ZNF2: variants seen among roughly 807,000 people sequenced by gnomAD.
ZNF2 encodes zinc finger protein 2, also known as zinc finger protein 2.2.
ZNF2 carries 12 observed loss-of-function variants against 21.9 expected under a neutral mutation model. That is an observed-to-expected ratio of 0.55 (90% CI 0.35 to 0.89). The LOEUF is 0.89. Among genes scored for constraint, ZNF2 ranks in the 40% least tolerant of loss-of-function variants. The pLI, the probability that ZNF2 is intolerant of heterozygous loss-of-function variation, is 0.01. For missense variants in ZNF2, 462 were observed against 544.2 expected (o/e 0.85, Z 1.50); for synonymous variants, 186 against 196.3 (o/e 0.95, Z 0.44).
At chr2:95,174,738 G>A (rs561435765) in intron 1 of ZNF2, among the ~76,000 whole-genome samples, 1 of 152,298 alleles carries the variant, frequency 6.6e-6, no homozygotes, top group South Asian at 2.1e-4. Context: ...GCATCCTGGA[G>A]TGAAATATTA....
intron 3 of ZNF2, among the ~76,000 whole-genome samples, chr2:95,179,326 G>T (rs1322237955): frequency 6.6e-5 from 10 of 152,142 alleles, no homozygotes; most frequent in Admixed American, 6.5e-4. Context: ...GTATTTATGG[G>T]TGTCTTTGGA....
At chr2:95,176,323 T>G in intron 2 of ZNF2, 64 bp downstream of exon 2, 1 of 1,606,976 alleles carries the variant, frequency 6.2e-7, no homozygotes, top group Admixed American at 1.7e-5. Flanking sequence ...CACTTTTCTT[T>G]CTCTATCCTG....
At chr2:95,170,444 G>A (rs1573393477) in intron 1 of ZNF2, among the ~76,000 whole-genome samples, 1 of 152,170 alleles carries the variant, frequency 6.6e-6, no homozygotes, top group African/African-American at 2.4e-5. Context: ...CTTGGCCAGT[G>A]TGAACCCATT....
chr2:95,177,758 A>G lies in ZNF2; in HGVS notation c.160+149A>G, dbSNP rs1674498087. 3.8e-6 allele frequency: 4 copies of G among 1,059,498 alleles called. No homozygotes were observed. The South Asian group carries it at 7.5e-5, about 20-fold the overall frequency. 65.6% of individuals were successfully genotyped at this position (1,059,498 alleles called of 1,614,324 possible). On this transcript the variant is annotated intron_variant, in intron 3 of 4. Transcript: ENST00000614034. ...GTCGAAAGATGTGGCATCAGAGTACAGCAACGGCGGGCTCAATACTGAACC... is the reference window on the plus strand; with the variant it reads ...GTCGAAAGATGTGGCATCAGAGTACGGCAACGGCGGGCTCAATACTGAACC...
At chr2:95,169,421 C>CAAAGTTATTACTGCACTTACATTTA (rs1325501805) in intron 1 of ZNF2, among the ~76,000 whole-genome samples, 3 of 152,126 alleles carry the variant, frequency 2.0e-5, no homozygotes, top group Non-Finnish European at 4.4e-5. Flanking sequence ...ACTTTGACTC[C>CAAAGTTATTACTGCACTTACATTTA]AAAGTTATTA....
In ZNF2 at chr2:95,182,781, T is replaced by G. The variant is rs1225648431; in HGVS notation, c.*675T>G. On this transcript the variant is annotated 3_prime_UTR_variant, in exon 5 of 5. Coordinates refer to ENST00000614034, the MANE Select transcript of ZNF2 (RefSeq NM_021088.4). ...GCTGGTAAAAGGTGATGCCAGGTCTTGAAGACAGGTCCACCTTCAAAATCT... is the reference window on the plus strand; with the variant it reads ...GCTGGTAAAAGGTGATGCCAGGTCTGGAAGACAGGTCCACCTTCAAAATCT... 2 of 152,658 alleles carry G rather than the reference T, an allele frequency of 1.3e-5. No individual in the cohort carries two copies. Among genetic ancestry groups the G allele is most frequent in the Non-Finnish European group, 2.9e-5 (2 of 68,048 alleles). 9.5% of individuals were successfully genotyped at this position (152,658 alleles called of 1,614,324 possible). A position where few individuals can be genotyped will look rare whatever the true frequency, so the allele number is the denominator to read the frequency against.
At chr2:95,168,296 G>A (rs1424140141) in intron 1 of ZNF2, among the ~76,000 whole-genome samples, 3 of 151,966 alleles carry the variant, frequency 2.0e-5, no homozygotes, top group African/African-American at 7.3e-5. Flanking sequence ...ATGGTGGCCC[G>A]CGCCTGTAGT....
chr2:95,178,917 A>AT (rs545782821), intron 3 of ZNF2, among the ~76,000 whole-genome samples: 10 of 151,202 alleles, frequency 6.6e-5, no homozygotes, highest in African/African-American at 2.4e-4. Flanking sequence ...ATAAAATGGT[A>AT]TTTTAAATTT....
chr2:95,177,531 T>G lies in ZNF2; in HGVS notation c.82T>G (p.Trp28Gly). The G allele has an allele frequency of 6.2e-7, 1 of 1,613,800 alleles. No individual in the cohort carries two copies. Among genetic ancestry groups the G allele is most frequent in the Non-Finnish European group, 8.5e-7 (1 of 1,179,952 alleles). Residue 28 changes from tryptophan (W) to glycine (G), a missense_variant, in exon 3 of 5, where the codon TGG becomes GGG. By Grantham distance (184) the Trp-to-Gly change is radical (BLOSUM62 -2). Transcript: ENST00000614034. The part of the protein sequence containing the change: ...DVAVVFTDEE[W>G]SRLVPIQRDL... ...TGCCGTGGTTTTCACAGATGAAGAGTGGAGTCGTCTGGTCCCCATACAGAG... is the reference window on the plus strand; with the variant it reads ...TGCCGTGGTTTTCACAGATGAAGAGGGGAGTCGTCTGGTCCCCATACAGAG...
At chr2:95,178,191 C>T (rs569946906) in intron 3 of ZNF2, among the ~76,000 whole-genome samples, 2 of 152,144 alleles carry the variant, frequency 1.3e-5, no homozygotes, top group Non-Finnish European at 2.9e-5. Context: ...AGAGTCACTG[C>T]TGATTCTGGT....
At position 95,181,736 on chromosome 2, in the gene ZNF2, A is replaced by G. The variant is rs948147303; in HGVS notation, c.908A>G (p.His303Arg). 6.2e-7 allele frequency: 1 copy of G among 1,614,258 alleles called. No homozygotes were observed. Among genetic ancestry groups the G allele is most frequent in the Non-Finnish European group, 8.5e-7 (1 of 1,180,044 alleles). The change falls in exon 5 of 5, where the codon CAT becomes CGT. Residue 303 changes from histidine (H) to arginine (R), a missense_variant. His to Arg is a conservative substitution (Grantham distance 29, BLOSUM62 0). Coordinates refer to ENST00000614034, the MANE Select transcript of ZNF2 (RefSeq NM_021088.4). The part of the protein sequence containing the change: ...AFSQKSILTR[H>R]QLIHTGRKPY... ...AGCCAGAAAAGTATTCTTACTCGCCATCAGCTAATCCACACTGGCAGGAAG... is the reference window on the plus strand; with the variant it reads ...AGCCAGAAAAGTATTCTTACTCGCCGTCAGCTAATCCACACTGGCAGGAAG...
chr2:95,173,874 AATTTTT>A (rs1448098150), intron 1 of ZNF2, among the ~76,000 whole-genome samples: 1 of 152,174 alleles, frequency 6.6e-6, no homozygotes, highest in Non-Finnish European at 1.5e-5. Context: ...ACGCCCAGCT[AATTTTT>A]TTGTATTGTT....
In ZNF2 at chr2:95,181,898, C is replaced by A. The variant is rs1296165232; in HGVS notation, c.1070C>A (p.Thr357Lys). 1 of 1,614,104 alleles carries A rather than the reference C, an allele frequency of 6.2e-7. No homozygotes were observed. Among genetic ancestry groups the A allele is most frequent in the African/African-American group, 1.3e-5 (1 of 74,928 alleles). Reference sequence around the variant, plus strand: ...GCTTTCTTTGACCGCTCATCCCTTACACAGCATCAGAAGATCCACACTGGA... The same window carrying A: ...GCTTTCTTTGACCGCTCATCCCTTAAACAGCATCAGAAGATCCACACTGGA... ...GKAFFDRSSLTQHQKIHTGDK... is the reference protein window; with the variant it reads ...GKAFFDRSSLKQHQKIHTGDK... The change falls in exon 5 of 5, where the codon ACA becomes AAA. Residue 357 changes from threonine (T) to lysine (K), a missense_variant. Transcript: ENST00000614034.
intron 1 of ZNF2, among the ~76,000 whole-genome samples, chr2:95,174,052 C>T (rs1674364675): frequency 6.6e-6 from 1 of 152,130 alleles, no homozygotes; most frequent in Non-Finnish European, 1.5e-5. Flanking sequence ...TGGACTGGGC[C>T]ATAAATTATT....
intron 1 of ZNF2, among the ~76,000 whole-genome samples, chr2:95,173,257 AT>A (rs1674341684): frequency 6.6e-6 from 1 of 152,030 alleles, no homozygotes; most frequent in Admixed American, 6.5e-5. Flanking sequence ...TAATACACAT[AT>A]TCATATATAA....
At chr2:95,167,375 G>T (rs1423216509) in intron 1 of ZNF2, among the ~76,000 whole-genome samples, 2 of 151,806 alleles carry the variant, frequency 1.3e-5, no homozygotes, top group Admixed American at 6.6e-5. Context: ...GCGTGGTGGC[G>T]GGCGCCTGTA....
At chr2:95,172,076 CCCAGCAACGAAAAT>C (rs1262888654) in intron 1 of ZNF2, among the ~76,000 whole-genome samples, 1 of 152,204 alleles carries the variant, frequency 6.6e-6, no homozygotes, top group African/African-American at 2.4e-5. Context: ...CACTCCTTCC[CCCAGCAACGAAAAT>C]GCAGCAACAA....
In ZNF2 at chr2:95,181,128, C is replaced by T. The variant is rs549494037; in HGVS notation, c.300C>T (p.His100=). The T allele has an allele frequency of 2.6e-5, 42 of 1,613,962 alleles. 1 individual carries two copies. Among genetic ancestry groups the T allele is most frequent in the South Asian group, 2.5e-4 (23 of 91,022 alleles). ...ACTGGGAAACTAAGCCTGAGATTCA[C>T]GATGCTTCAGACAAAAAATCAGAAG... ...SLDWETKPEI[H]DASDKKSEGS... is the part of the protein sequence containing the mutation. Residue 100 remains histidine, a synonymous_variant, in exon 5 of 5, where the codon CAC becomes CAT. Transcript: ENST00000614034.
intron 1 of ZNF2, among the ~76,000 whole-genome samples, chr2:95,169,870 A>G (rs1288581182): frequency 6.6e-6 from 1 of 152,252 alleles, no homozygotes; most frequent in Admixed American, 6.5e-5. Context: ...TTTACTTAGC[A>G]CATTATTCTA....
Sources: gnomAD v4.1 joint callset for allele counts (sites outside exome capture counted in the v4.1 genomes callset) on GRCh38, gnomAD v4.1.1 for gene constraint, MANE v1.5 for transcripts, NCBI Gene and HGNC (gene_info 2026-07-23, HGNC 2026-07-21) for gene names.